ERICH3: variants seen among roughly 807,000 people sequenced by gnomAD.
The protein encoded by ERICH3 is glutamate rich 3.
In ERICH3, 126 loss-of-function variants were observed where a neutral mutation model predicts 131.1. The observed-to-expected ratio is 0.96, with a 90% CI of 0.83 to 1.11. The LOEUF (loss-of-function observed/expected upper bound fraction) is 1.11, where lower values mean the gene tolerates loss of function less well. Among genes scored for constraint, ERICH3 ranks in the 50% most tolerant of loss-of-function variants. The pLI is 0.00. For synonymous variants in ERICH3, 695 were observed against 644.6 expected, an observed-to-expected ratio of 1.08 and a Z score of -1.18; for missense variants, 2,050 against 1,810.7, an observed-to-expected ratio of 1.13 and a Z score of -2.40.
chr1:74,636,228 T>C lies in ERICH3; in HGVS notation c.603+52A>G, dbSNP rs74093481. ...ATACCTTGACCACTGTAATAACCTA[T>C]AATAATCTACTCAAAAATTAAAATA... On this transcript the variant is annotated intron_variant, in intron 6 of 14. Coordinates refer to ENST00000326665, the MANE Select transcript of ERICH3 (RefSeq NM_001002912.5). The C allele has an allele frequency of 7.0e-4, 995 of 1,425,686 alleles. 2 individuals carry two copies. The African/African-American group carries it at 0.013, about 19-fold the overall frequency. The allele number at this position is 1,425,686 out of a possible 1,614,324, so 88.3% of individuals were successfully genotyped here.
At chr1:74,593,341 C>T (rs1647695306) in intron 11 of ERICH3, among the ~76,000 whole-genome samples, 1 of 152,088 alleles carries the variant, frequency 6.6e-6, no homozygotes, top group African/African-American at 2.4e-5. Flanking sequence ...GAAAAAATAA[C>T]ATATTCTCCT....
intron 11 of ERICH3, chr1:74,592,283 T>C (rs1410174706): frequency 6.6e-6 from 1 of 152,180 alleles, no homozygotes; most frequent in Non-Finnish European, 1.5e-5. Context: ...AAAATCTGGA[T>C]ATGCCATCTC....
At chr1:74,649,400 G>A in intron 1 of ERICH3, 85 bp from the exon 2 acceptor site, 2 of 985,444 alleles carry the variant, frequency 2.0e-6, no homozygotes, top group Non-Finnish European at 3.1e-6. Flanking sequence ...CCCAAATAGT[G>A]CATAATCATT....
chr1:74,671,349 C>T (rs2100664002), intron 1 of ERICH3, among the ~76,000 whole-genome samples: 1 of 152,212 alleles, frequency 6.6e-6, no homozygotes, highest in Middle Eastern at 3.4e-3. Context: ...CTTTGTTCTG[C>T]TTTTTGCCCT....
At chr1:74,647,072 G>C (rs1441929920) in intron 2 of ERICH3, among the ~76,000 whole-genome samples, 3 of 151,904 alleles carry the variant, frequency 2.0e-5, no homozygotes, top group Non-Finnish European at 4.4e-5. Context: ...CACTTTTAAT[G>C]AATATTTCAT....
chr1:74,636,007 C>A (rs2100628482), intron 6 of ERICH3, among the ~76,000 whole-genome samples: 1 of 152,242 alleles, frequency 6.6e-6, no homozygotes, highest in East Asian at 1.9e-4. Context: ...AAGTTTTCCC[C>A]TTTGTTTTTC....
At position 74,590,065 on chromosome 1, in the gene ERICH3, G is replaced by A. The variant is rs115339919; in HGVS notation, c.1742C>T (p.Ser581Leu). Residue 581 changes from serine to leucine, a missense_variant, in exon 12 of 15, where the codon TCA becomes TTA. Coordinates refer to ENST00000326665, the MANE Select transcript of ERICH3 (RefSeq NM_001002912.5). Reference sequence around the variant, plus strand: ...AGGGTGACTTCTGGATGAGGTTGATGAAGCAGTTTTCATATCTACAAAAAA... The same window carrying A: ...AGGGTGACTTCTGGATGAGGTTGATAAAGCAGTTTTCATATCTACAAAAAA... ...EEDKQDMKTASSTSSRSHPYS... is the reference protein window; with the variant it reads ...EEDKQDMKTALSTSSRSHPYS... The A allele has an allele frequency of 6.9e-4, 1,108 of 1,602,962 alleles. 2 individuals are homozygous for A. The African/African-American group carries it at 0.013, about 19-fold the overall frequency.
intron 11 of ERICH3, among the ~76,000 whole-genome samples, chr1:74,598,061 T>G (rs1557676450): frequency 1.3e-5 from 2 of 151,980 alleles, no homozygotes; most frequent in African/African-American, 4.8e-5. Flanking sequence ...GACTTTTTTA[T>G]TTCTCTTTCT....
intron 1 of ERICH3, among the ~76,000 whole-genome samples, chr1:74,649,723 TA>T (rs1646516590): frequency 6.6e-6 from 1 of 152,128 alleles, no homozygotes; most frequent in South Asian, 2.1e-4. Context: ...TGTCATACCC[TA>T]AACTCTGGTA....
intron 3 of ERICH3, 80 bp from the exon 4 acceptor site, chr1:74,643,178 G>A: frequency 9.4e-7 from 1 of 1,061,562 alleles, no homozygotes; most frequent in Non-Finnish European, 1.4e-6. Context: ...AATTCCAACA[G>A]ATAACTATAT....
At chr1:74,602,012 GT>G (rs1421983977) in intron 10 of ERICH3, among the ~76,000 whole-genome samples, 1 of 151,868 alleles carries the variant, frequency 6.6e-6, no homozygotes, top group Non-Finnish European at 1.5e-5. Flanking sequence ...AGTGAAGGGA[GT>G]AGATTATAGA....
At chr1:74,647,108 C>T (rs1161654956) in intron 2 of ERICH3, among the ~76,000 whole-genome samples, 1 of 152,128 alleles carries the variant, frequency 6.6e-6, no homozygotes, top group Non-Finnish European at 1.5e-5. Flanking sequence ...AAGGCAGTCT[C>T]ATATACCCTT....
chr1:74,579,604 A>T (rs1010387273), intron 12 of ERICH3: 14 of 985,266 alleles, frequency 1.4e-5, no homozygotes, highest in African/African-American at 3.5e-5. Context: ...AAACCAGAAA[A>T]GGCTTCACTT....
At chr1:74,644,345 A>G (rs1036657794) in intron 3 of ERICH3, among the ~76,000 whole-genome samples, 3 of 151,952 alleles carry the variant, frequency 2.0e-5, no homozygotes, top group Non-Finnish European at 4.4e-5. Flanking sequence ...CTGACTTGCC[A>G]CTTCCCTACT....
Position 74,572,001 on chromosome 1 carries a change from T to C in ERICH3, c.3709A>G (p.Thr1237Ala), listed in dbSNP as rs2100503322. Residue 1237 changes from threonine to alanine, a missense_variant, in exon 14 of 15, where the codon ACA becomes GCA. Coordinates refer to ENST00000326665, the MANE Select transcript of ERICH3 (RefSeq NM_001002912.5). The stretch of plus-strand genomic sequence containing the variant: ...GCTGCTAGCTCCTCTGCCTGGCCTG[T>C]GGCTGGGATCAGCCCCTCAGGGGCC... ...VQAPEGLIPA[T>A]GQAEELAAKD... 1 of 1,614,124 alleles carries C rather than the reference T, an allele frequency of 6.2e-7. No individual in the cohort carries two copies. Among genetic ancestry groups the C allele is most frequent in the Non-Finnish European group, 8.5e-7 (1 of 1,180,030 alleles).
intron 1 of ERICH3, among the ~76,000 whole-genome samples, chr1:74,664,090 G>C (rs1646666998): frequency 6.6e-6 from 1 of 152,032 alleles, no homozygotes; most frequent in African/African-American, 2.4e-5. Context: ...TAACTTTAAA[G>C]ACAAAATAGT....
intron 12 of ERICH3, chr1:74,586,373 T>C (rs919270583): frequency 1.0e-6 from 1 of 964,528 alleles, no homozygotes; most frequent in Non-Finnish European, 1.2e-6. Context: ...TATCTATACC[T>C]ATCTACCTAC....
intron 11 of ERICH3, 95 bp from the exon 12 acceptor site, chr1:74,590,175 T>G: frequency 9.0e-7 from 1 of 1,113,984 alleles, no homozygotes; most frequent in Non-Finnish European, 1.2e-6. Flanking sequence ...ACTAAAAATT[T>G]TAAAACATAG....
chr1:74,615,244 A>T (rs1648906152), intron 8 of ERICH3: 1 of 152,146 alleles, frequency 6.6e-6, no homozygotes, highest in Non-Finnish European at 1.5e-5. Context: ...TTCTTCATGG[A>T]GCAGTGGAAA....
Sources: allele counts gnomAD v4.1 joint callset (sites outside exome capture counted in the v4.1 genomes callset), GRCh38; gene constraint gnomAD v4.1.1; transcripts MANE v1.5; gene names NCBI Gene and HGNC (gene_info 2026-07-23, HGNC 2026-07-21).